Variants in NLGN1 observed in about 807,000 individuals in gnomAD.
NLGN1 encodes the protein neuroligin-1.
NLGN1 carries 12 observed loss-of-function variants against 65.5 expected under a neutral mutation model. That is an observed-to-expected ratio of 0.18 (90% confidence interval 0.12 to 0.30). The LOEUF is 0.30. Among genes scored for constraint, NLGN1 ranks in the 10% least tolerant of loss-of-function variants. NLGN1 has a pLI of 1.00. For missense variants in NLGN1, 750 were observed against 1,007.1 expected (o/e 0.74, Z 3.46); for synonymous variants, 350 against 359.5 (o/e 0.97, Z 0.30).
chr3:173,396,664 A>T (rs1716670831), upstream of NLGN1: 1 of 152,232 alleles, frequency 6.6e-6, no homozygotes, highest in Non-Finnish European at 1.5e-5. Context: ...TTATGGTTGC[A>T]GATCAGGTGC....
intron 4 of NLGN1, among the ~76,000 whole-genome samples, chr3:174,006,894 C>T (rs1724540687): frequency 6.6e-6 from 1 of 151,890 alleles, no homozygotes; most frequent in Admixed American, 6.6e-5. Context: ...ATGGTGAAAC[C>T]TCATCTCTAC....
At chr3:173,882,844 A>G (rs1011974130) in intron 4 of NLGN1, among the ~76,000 whole-genome samples, 89 of 143,964 alleles carry the variant, frequency 6.2e-4, no homozygotes, top group East Asian at 2.1e-3. Context: ...AAGAGATCTA[A>G]CTTTCACCCT....
At chr3:173,553,332 G>A (rs190602695) in intron 2 of NLGN1, among the ~76,000 whole-genome samples, 3 of 152,106 alleles carry the variant, frequency 2.0e-5, no homozygotes, top group African/African-American at 4.8e-5. Flanking sequence ...ATATATGAAG[G>A]GTTGTCCACT....
intron 4 of NLGN1, among the ~76,000 whole-genome samples, chr3:174,107,886 T>G (rs1157661443): frequency 6.6e-6 from 1 of 152,152 alleles, no homozygotes; most frequent in East Asian, 1.9e-4. Context: ...CATCTAAAGA[T>G]GTAGAACATC....
intron 4 of NLGN1, among the ~76,000 whole-genome samples, chr3:173,986,326 G>A (rs1200259519): frequency 1.3e-5 from 2 of 152,002 alleles, no homozygotes; most frequent in East Asian, 3.9e-4. Flanking sequence ...AATTAGCTGG[G>A]CATGGTGGTG....
chr3:174,228,647 G>A (rs1166840228), intron 4 of NLGN1, among the ~76,000 whole-genome samples: 3 of 152,062 alleles, frequency 2.0e-5, no homozygotes, highest in South Asian at 4.2e-4. Context: ...TTCCATTTGC[G>A]CTTTATCTAA....
At position 173,512,194 on chromosome 3, in the gene NLGN1, C is replaced by A. The variant is rs181788731; in HGVS notation, c.-321+77116C>A. ...GCTCAGTGGGCCCTTTGTCTTGTAG[C>A]ATGGGGCAGCTGCCTTCCGCCAGCA... On this transcript the variant is annotated intron_variant, in intron 2 of 6. Transcript: ENST00000457714. Among the ~76,000 whole-genome samples the A allele has an allele frequency of 2.2e-3, 338 of 152,344 alleles. 2 individuals are homozygous for A. Among genetic ancestry groups the A allele is most frequent in the African/African-American group, 7.4e-3 (307 of 41,586 alleles).
intron 4 of NLGN1, among the ~76,000 whole-genome samples, chr3:174,255,800 A>T (rs1745642953): frequency 6.6e-6 from 1 of 151,904 alleles, no homozygotes; most frequent in Admixed American, 6.6e-5. Flanking sequence ...CTGGAACTAC[A>T]ATCATGTACC....
At chr3:173,754,658 A>G (rs1309731145) in intron 3 of NLGN1, among the ~76,000 whole-genome samples, 4 of 152,248 alleles carry the variant, frequency 2.6e-5, no homozygotes, top group African/African-American at 9.6e-5. Flanking sequence ...ATTGGTAGGA[A>G]AATGAATAAG....
At chr3:173,597,413 G>C (rs756343559) in intron 2 of NLGN1, among the ~76,000 whole-genome samples, 7 of 152,118 alleles carry the variant, frequency 4.6e-5, no homozygotes, top group Non-Finnish European at 7.4e-5. Context: ...GCAAGTAGAG[G>C]GTGACCTACA....
At chr3:174,163,175 A>C (rs552398970) in intron 4 of NLGN1, among the ~76,000 whole-genome samples, 1 of 152,104 alleles carries the variant, frequency 6.6e-6, no homozygotes, top group Non-Finnish European at 1.5e-5. Context: ...TTCTAGGTAG[A>C]ATCGAAAATA....
At chr3:174,001,030 G>A (rs189807247) in intron 4 of NLGN1, among the ~76,000 whole-genome samples, 2 of 152,238 alleles carry the variant, frequency 1.3e-5, no homozygotes, top group Admixed American at 1.3e-4. Context: ...CACCTCCACA[G>A]ACAATTCAAT....
chr3:173,451,167 T>C (rs1241890684), intron 2 of NLGN1, among the ~76,000 whole-genome samples: 2 of 152,240 alleles, frequency 1.3e-5, no homozygotes, highest in Non-Finnish European at 2.9e-5. Flanking sequence ...TTTTCTGCTC[T>C]GTTTTTTCCT....
chr3:173,864,082 T>G lies in NLGN1; in HGVS notation c.646+56250T>G, dbSNP rs148167042. On this transcript the variant is annotated intron_variant, in intron 4 of 6. Transcript: ENST00000457714. Reference sequence around the variant, plus strand: ...ACATTTAAACATTTTTGCTTTGTTATAAATACAACTGTCAACCCAATAATG... The same window carrying G: ...ACATTTAAACATTTTTGCTTTGTTAGAAATACAACTGTCAACCCAATAATG... Among the ~76,000 whole-genome samples, 1,115 of 152,322 alleles carry G rather than the reference T, an allele frequency of 7.3e-3. 21 individuals carry two copies. The highest frequency in any genetic ancestry group is 0.026 in the African/African-American group (1,062 of 41,584).
At chr3:173,723,666 A>G (rs1771251072) in intron 3 of NLGN1, among the ~76,000 whole-genome samples, 1 of 152,198 alleles carries the variant, frequency 6.6e-6, no homozygotes, top group Non-Finnish European at 1.5e-5. Context: ...CTATATAAAA[A>G]TAAGTGTGTA....
chr3:173,558,736 C>T (rs921327196), intron 2 of NLGN1, among the ~76,000 whole-genome samples: 10 of 152,124 alleles, frequency 6.6e-5, no homozygotes, highest in South Asian at 4.1e-4. Context: ...TATGTCTGTT[C>T]TGTTACCTGG....
At chr3:173,599,774 G>C (rs548286340) in intron 2 of NLGN1, among the ~76,000 whole-genome samples, 1 of 152,048 alleles carries the variant, frequency 6.6e-6, no homozygotes, top group African/African-American at 2.4e-5. Flanking sequence ...AAACTTGTCT[G>C]TTCACTAAAA....
chr3:173,505,961 A>G (rs756506746), intron 2 of NLGN1, among the ~76,000 whole-genome samples: 14 of 152,154 alleles, frequency 9.2e-5, no homozygotes, highest in Non-Finnish European at 1.6e-4. Flanking sequence ...ACAAATGAAC[A>G]AGTAATAATT....
chr3:173,945,688 T>C (rs908179125), intron 4 of NLGN1, among the ~76,000 whole-genome samples: 3 of 152,238 alleles, frequency 2.0e-5, no homozygotes, highest in Non-Finnish European at 4.4e-5. Context: ...ATGTTCAGTA[T>C]GTAAAATGTA....
Sources: gnomAD v4.1 joint callset for allele counts (sites outside exome capture counted in the v4.1 genomes callset) on GRCh38, gnomAD v4.1.1 for gene constraint, MANE v1.5 for transcripts, NCBI Gene and HGNC (gene_info 2026-07-23, HGNC 2026-07-21) for gene names.